Variants in IL4R observed in about 807,000 individuals in gnomAD.
IL4R encodes the protein interleukin-4 receptor subunit alpha.
In IL4R, 17 loss-of-function variants were observed where a neutral mutation model predicts 41.5. That is an observed-to-expected ratio of 0.41 (90% CI 0.28 to 0.61). The LOEUF (loss-of-function observed/expected upper bound fraction) is 0.61. IL4R is among the 20% of genes least tolerant of loss of function. The pLI is 0.31. For missense variants in IL4R, 974 were observed against 1,043.1 expected (o/e 0.93, Z 0.91); for synonymous variants, 402 against 422.9 (o/e 0.95, Z 0.61).
chr16:27,339,071 T>C (rs1374062388), intron 2 of IL4R, among the ~76,000 whole-genome samples: 1 of 152,042 alleles, frequency 6.6e-6, no homozygotes, highest in Non-Finnish European at 1.5e-5. Context: ...GCCAGGCTGA[T>C]CTCGAACTCC....
chr16:27,355,044 C>T, intron 7 of IL4R: 1 of 467,544 alleles, frequency 2.1e-6, no homozygotes, highest in South Asian at 1.6e-5. Flanking sequence ...GTTCCTCCTA[C>T]ATGGCTAGCC....
In IL4R at chr16:27,364,034, C is replaced by A. The variant is rs1440668191; in HGVS notation, c.*204C>A. 6 of 615,144 alleles carry A rather than the reference C, an allele frequency of 9.8e-6. No individual in the cohort carries two copies. The highest frequency in any genetic ancestry group is 1.7e-5 in the Non-Finnish European group (6 of 356,460). 38.1% of individuals were successfully genotyped at this position (615,144 alleles called of 1,614,324 possible). Reference sequence around the variant, plus strand: ...CCCGCCCAGCATTGGGCTGGGCTCGCCACATCCCATGAGAGTAGAGGGCAC... The same window carrying A: ...CCCGCCCAGCATTGGGCTGGGCTCGACACATCCCATGAGAGTAGAGGGCAC... On this transcript the variant is annotated 3_prime_UTR_variant, in exon 11 of 11. Coordinates refer to ENST00000395762, the MANE Select transcript of IL4R (RefSeq NM_000418.4).
chr16:27,361,684 A>G (rs1232285965), intron 10 of IL4R, among the ~76,000 whole-genome samples: 2 of 145,784 alleles, frequency 1.4e-5, no homozygotes, highest in African/African-American at 2.6e-5. Context: ...GATTCACTGC[A>G]GCCTCAAACT....
chr16:27,340,738 A>C (rs970422600), intron 3 of IL4R, among the ~76,000 whole-genome samples: 1 of 152,036 alleles, frequency 6.6e-6, no homozygotes, highest in African/African-American at 2.4e-5. Context: ...AGAGAAGGTG[A>C]TGGGGAAAGA....
At chr16:27,341,287 A>C in intron 3 of IL4R, 2 of 620,850 alleles carry the variant, frequency 3.2e-6, no homozygotes, top group Non-Finnish European at 5.8e-6. Flanking sequence ...GTCATTTCTG[A>C]AATGCAGAAG....
In IL4R at chr16:27,320,939, T is replaced by G. The variant is rs142583821; in HGVS notation, c.-152+6919T>G. The stretch of plus-strand genomic sequence containing the variant: ...TCCTGAGATTTAGCCAAATTAGCTT[T>G]CTTTCTTTCTTTTTTTTTTTTTGAG... On this transcript the variant is annotated intron_variant, in intron 1 of 10. Coordinates refer to ENST00000395762, the MANE Select transcript of IL4R (RefSeq NM_000418.4). Among the ~76,000 whole-genome samples the G allele has an allele frequency of 1.8e-3, 224 of 123,878 alleles. 1 individual carries two copies. Among genetic ancestry groups the G allele is most frequent in the African/African-American group, 5.7e-3 (200 of 35,254 alleles). The allele number at this position is 123,878 out of a possible 152,430, so 81.3% of individuals were successfully genotyped here.
chr16:27,347,677 C>T (rs1324629021), intron 6 of IL4R, among the ~76,000 whole-genome samples: 1 of 152,222 alleles, frequency 6.6e-6, no homozygotes, highest in African/African-American at 2.4e-5. Flanking sequence ...ATCCACCTTC[C>T]TCACATTCCC....
At chr16:27,359,200 T>G (rs1303194582) in intron 9 of IL4R, among the ~76,000 whole-genome samples, 1 of 152,176 alleles carries the variant, frequency 6.6e-6, no homozygotes, top group Non-Finnish European at 1.5e-5. Flanking sequence ...AATCCCAGCC[T>G]GGGGTGGGCT....
At chr16:27,344,482 T>G (rs1406864874) in intron 4 of IL4R, among the ~76,000 whole-genome samples, 1 of 152,076 alleles carries the variant, frequency 6.6e-6, no homozygotes, top group Non-Finnish European at 1.5e-5. Context: ...GTGGGTTGGC[T>G]GTTAAGGTGG....
In IL4R at chr16:27,336,356, A is replaced by T. The variant is rs571298072; in HGVS notation, c.-18-3830A>T. Among the ~76,000 whole-genome samples, 6 of 152,212 alleles carry T rather than the reference A, an allele frequency of 3.9e-5. No homozygotes were observed. The East Asian group carries it at 1.2e-3, about 29-fold the overall frequency. ...ACCCATTGATTTTGCACCATCATAA[A>T]TTAGGGGAAGAGAGGAAAAGCACGC... On this transcript the variant is annotated intron_variant, in intron 2 of 10. Coordinates refer to ENST00000395762, the MANE Select transcript of IL4R (RefSeq NM_000418.4).
intron 10 of IL4R, among the ~76,000 whole-genome samples, chr16:27,361,923 A>G (rs1364095574): frequency 6.6e-6 from 1 of 152,102 alleles, no homozygotes; most frequent in African/African-American, 2.4e-5. Context: ...CCCGGCTTCC[A>G]TATCCTTTCT....
Position 27,342,304 on chromosome 16 carries a change from AG to A in IL4R, c.209+48del, listed in dbSNP as rs778468789. ...GGAGGTTTGGGGAGGTTGTGCCCAA[AG>A]GGTTTGCCCCAAGAGTGAGCTGGGT... On this transcript the variant is annotated intron_variant, in intron 4 of 10. Coordinates refer to ENST00000395762, the MANE Select transcript of IL4R (RefSeq NM_000418.4). 1.2e-5 allele frequency: 19 copies of A among 1,612,142 alleles called. No homozygotes were observed. In the Admixed American group the frequency reaches 2.7e-4, roughly 23 times the overall value.
chr16:27,342,915 G>A (rs1381542107), intron 4 of IL4R, among the ~76,000 whole-genome samples: 1 of 152,210 alleles, frequency 6.6e-6, no homozygotes, highest in Non-Finnish European at 1.5e-5. Context: ...CAGTGAGAGA[G>A]AGTGAAAAGG....
intron 1 of IL4R, among the ~76,000 whole-genome samples, chr16:27,322,377 A>G (rs1409847633): frequency 4.6e-5 from 7 of 152,036 alleles, no homozygotes; most frequent in Non-Finnish European, 7.4e-5. Flanking sequence ...GGATTTCGCT[A>G]TGTTTCCCGG....
rs1206339163 is a variant in IL4R, at chr16:27,345,306, A to T, written c.361+286A>T. 1 of 541,044 alleles carries T rather than the reference A, an allele frequency of 1.8e-6. No homozygotes were observed. Among genetic ancestry groups the T allele is most frequent in the African/African-American group, 1.9e-5 (1 of 52,840 alleles). The allele number at this position is 541,044 out of a possible 1,614,324, so 33.5% of individuals were successfully genotyped here. ...TATTGAGATGAGGTGTGCTTGCTGG[A>T]AGGCATGCCTGCTGCTGATTGAAAA... On this transcript the variant is annotated intron_variant, in intron 5 of 10. Transcript: ENST00000395762. This position sits in a 1 kb window ranked among gnomAD's most constrained non-coding sequence, Gnocchi z 4.5.
intron 6 of IL4R, among the ~76,000 whole-genome samples, chr16:27,348,489 A>T (rs1481907241): frequency 6.6e-6 from 1 of 152,220 alleles, no homozygotes; most frequent in Non-Finnish European, 1.5e-5. Flanking sequence ...GAACCTGTCC[A>T]GCTCTGCGCC....
At chr16:27,314,286 G>C (rs1218774594) in intron 1 of IL4R, 2 of 241,074 alleles carry the variant, frequency 8.3e-6, no homozygotes, top group Non-Finnish European at 1.3e-5. Context: ...GACCTCCGCC[G>C]GGACGGCCTG....
At chr16:27,319,260 T>G (rs1343412629) in intron 1 of IL4R, among the ~76,000 whole-genome samples, 2 of 152,222 alleles carry the variant, frequency 1.3e-5, no homozygotes. Context: ...GCCAGATACC[T>G]GCATTGTCTC....
chr16:27,328,650 C>T (rs1348923318), intron 1 of IL4R, among the ~76,000 whole-genome samples: 2 of 152,196 alleles, frequency 1.3e-5, no homozygotes, highest in African/African-American at 4.8e-5. Context: ...GTGAGCACAG[C>T]AGACATAAAG....
Sources: allele counts gnomAD v4.1 joint callset (sites outside exome capture counted in the v4.1 genomes callset), GRCh38; gene constraint gnomAD v4.1.1; non-coding constraint Gnocchi (gnomAD v3.1); transcripts MANE v1.5; gene names NCBI Gene and HGNC (gene_info 2026-07-23, HGNC 2026-07-21).